The following GRIK1 variants were observed in gnomAD, a reference collection of about 807,000 sequenced individuals.
The protein encoded by GRIK1 is glutamate receptor ionotropic, kainate 1.
A neutral mutation model predicts 105.7 loss-of-function variants in GRIK1; 69 were observed. The observed-to-expected ratio is 0.65, with a 90% CI of 0.54 to 0.80. The LOEUF (loss-of-function observed/expected upper bound fraction) is 0.80, where lower values mean the gene tolerates loss of function less well. Ranked by LOEUF, GRIK1 falls within the 30% of genes least tolerant of loss-of-function variation. GRIK1 has a pLI of 0.00. For missense variants in GRIK1, 1,109 were observed against 1,167.3 expected, an observed-to-expected ratio of 0.95 and a Z score of 0.73; for synonymous variants, 438 against 431.3, an observed-to-expected ratio of 1.02 and a Z score of -0.19.
At chr21:29,655,389 C>T (rs2062829881) in intron 4 of GRIK1, among the ~76,000 whole-genome samples, 1 of 149,822 alleles carries the variant, frequency 6.7e-6, no homozygotes, top group Non-Finnish European at 1.5e-5. Flanking sequence ...GCCTGGGCAA[C>T]AAGAGGGAAA....
At position 29,763,888 on chromosome 21, in the gene GRIK1, T is replaced by G. The variant is rs16984911; in HGVS notation, c.119-69825A>C. On this transcript the variant is annotated intron_variant, in intron 1 of 17. Transcript: ENST00000327783. ...GTTTCACTCTGGCATACTCTCTCAGTGTGGAAGCTGCTGATTCAGAAAGAG... is the reference window on the plus strand; with the variant it reads ...GTTTCACTCTGGCATACTCTCTCAGGGTGGAAGCTGCTGATTCAGAAAGAG... 330 of 152,322 alleles carry G rather than the reference T, an allele frequency of 2.2e-3. 3 individuals carry two copies. The highest frequency in any genetic ancestry group is 7.7e-3 in the African/African-American group (322 of 41,572). 9.4% of individuals were successfully genotyped at this position (152,322 alleles called of 1,614,324 possible).
chr21:29,705,861 T>C (rs1435540604), intron 1 of GRIK1, among the ~76,000 whole-genome samples: 1 of 150,936 alleles, frequency 6.6e-6, no homozygotes, highest in East Asian at 1.9e-4. Context: ...ATTTTTTTCT[T>C]TCTTTTCTTT....
At chr21:29,670,521 C>T (rs1337525976) in intron 4 of GRIK1, among the ~76,000 whole-genome samples, 1 of 152,108 alleles carries the variant, frequency 6.6e-6, no homozygotes, top group African/African-American at 2.4e-5. Context: ...ATCTAGCAGC[C>T]CTTCCCTGCC....
chr21:29,598,661 G>A (rs979349001), intron 8 of GRIK1, 169 bp downstream of exon 8: 3 of 517,362 alleles, frequency 5.8e-6, no homozygotes, highest in Admixed American at 3.7e-5. Context: ...TAAGAATCTA[G>A]CACATCAACT....
At chr21:29,681,882 A>G (rs1208508257) in intron 3 of GRIK1, among the ~76,000 whole-genome samples, 13 of 152,336 alleles carry the variant, frequency 8.5e-5, no homozygotes, top group Admixed American at 6.5e-5. Flanking sequence ...GAAGAAACAG[A>G]TGATCTACCA....
At chr21:29,645,293 C>T (rs1048804002) in intron 6 of GRIK1, among the ~76,000 whole-genome samples, 4 of 151,836 alleles carry the variant, frequency 2.6e-5, no homozygotes, top group African/African-American at 9.7e-5. Flanking sequence ...ACTCAGATTT[C>T]ACCTCATGAC....
At chr21:29,613,970 G>GA (rs2061784689) in intron 7 of GRIK1, among the ~76,000 whole-genome samples, 1 of 151,996 alleles carries the variant, frequency 6.6e-6, no homozygotes, top group Non-Finnish European at 1.5e-5. Flanking sequence ...TGCTTGCCCT[G>GA]AAAAAAATAG....
chr21:29,539,549 T>C (rs1340990069), intron 16 of GRIK1, among the ~76,000 whole-genome samples: 2 of 152,230 alleles, frequency 1.3e-5, no homozygotes, highest in African/African-American at 4.8e-5. Flanking sequence ...ATCATGTCTG[T>C]ATATCATGAA....
At chr21:29,863,264 T>C (rs947918265) in intron 1 of GRIK1, among the ~76,000 whole-genome samples, 1 of 152,174 alleles carries the variant, frequency 6.6e-6, no homozygotes, top group African/African-American at 2.4e-5. Context: ...GAAATTCTGA[T>C]TCAGTAAGTC....
At chr21:29,580,126 TAC>T (rs371087041) in intron 13 of GRIK1, among the ~76,000 whole-genome samples, 5,216 of 144,142 alleles carry the variant, frequency 0.036, 132 homozygotes, top group African/African-American at 0.066. Context: ...TATACACATA[TAC>T]ACACATATAT....
intron 1 of GRIK1, among the ~76,000 whole-genome samples, chr21:29,920,865 C>T (rs530026879): frequency 2.6e-5 from 4 of 151,570 alleles, no homozygotes; most frequent in African/African-American, 9.8e-5. Flanking sequence ...ATGAGTCCTC[C>T]TGATTCATGG....
intron 14 of GRIK1, among the ~76,000 whole-genome samples, chr21:29,564,249 G>A (rs2090556897): frequency 1.3e-5 from 2 of 151,954 alleles, no homozygotes; most frequent in African/African-American, 4.8e-5. Context: ...CCGGGTTCAC[G>A]CCATTCTCCT....
At chr21:29,852,798 A>T (rs1031482500) in intron 1 of GRIK1, among the ~76,000 whole-genome samples, 1 of 152,218 alleles carries the variant, frequency 6.6e-6, no homozygotes, top group African/African-American at 2.4e-5. Context: ...ACTTGTGTCA[A>T]ATTACTACAT....
At chr21:29,740,345 G>A (rs2064896264) in intron 1 of GRIK1, among the ~76,000 whole-genome samples, 1 of 151,932 alleles carries the variant, frequency 6.6e-6, no homozygotes. Flanking sequence ...AGCCTCCCGA[G>A]TAGTTGGGAC....
intron 15 of GRIK1, among the ~76,000 whole-genome samples, chr21:29,556,550 A>G (rs1189651924): frequency 6.6e-6 from 1 of 152,166 alleles, no homozygotes; most frequent in Non-Finnish European, 1.5e-5. Context: ...CTGGATGACC[A>G]GCAGTGCCAT....
At chr21:29,632,602 A>G (rs1437042668) in intron 7 of GRIK1, among the ~76,000 whole-genome samples, 1 of 152,116 alleles carries the variant, frequency 6.6e-6, no homozygotes, top group Non-Finnish European at 1.5e-5. Flanking sequence ...GTGTAAAATG[A>G]TATTCATCTA....
intron 1 of GRIK1, among the ~76,000 whole-genome samples, chr21:29,803,232 T>C (rs2066762290): frequency 6.6e-6 from 1 of 152,222 alleles, no homozygotes; most frequent in Non-Finnish European, 1.5e-5. Flanking sequence ...TTATTTATTT[T>C]TAAAAATAAT....
intron 4 of GRIK1, 50 bp from the exon 5 acceptor site, chr21:29,654,913 A>C (rs767703469): frequency 2.8e-6 from 3 of 1,075,944 alleles, no homozygotes; most frequent in African/African-American, 3.1e-5. Flanking sequence ...TTATAATAAG[A>C]ATGGGATAAT....
intron 1 of GRIK1, among the ~76,000 whole-genome samples, chr21:29,710,323 A>G (rs1339338731): frequency 6.6e-6 from 1 of 152,004 alleles, no homozygotes; most frequent in Non-Finnish European, 1.5e-5. Context: ...AGATTTGTAT[A>G]TAAGTTTTCT....
Sources: gnomAD v4.1 joint callset for allele counts (sites outside exome capture counted in the v4.1 genomes callset) on GRCh38, gnomAD v4.1.1 for gene constraint, MANE v1.5 for transcripts, NCBI Gene and HGNC (gene_info 2026-07-23, HGNC 2026-07-21) for gene names.